CDH13: variants seen among roughly 807,000 people sequenced by gnomAD.
The protein encoded by CDH13 is cadherin 13, also known as cadherin-13.
Under a neutral mutation model 63.8 loss-of-function variants are expected in CDH13, and 24 were observed. The ratio of observed to expected loss-of-function variants is 0.38; its 90% CI spans 0.27 to 0.53. The LOEUF (loss-of-function observed/expected upper bound fraction) is 0.53, where lower values mean the gene tolerates loss of function less well. Among genes scored for constraint, CDH13 ranks in the 20% least tolerant of loss-of-function variants. The pLI is 0.85. For missense variants in CDH13, 1,049 were observed against 903.1 expected (o/e 1.16, Z -2.07); for synonymous variants, 503 against 355.3 (o/e 1.42, Z -4.67).
intron 1 of CDH13, among the ~76,000 whole-genome samples, chr16:82,796,555 A>C (rs1362490298): frequency 6.6e-6 from 1 of 152,148 alleles, no homozygotes; most frequent in African/African-American, 2.4e-5. Context: ...TCTTCCCAGG[A>C]GGTGTCTTTT....
intron 5 of CDH13, among the ~76,000 whole-genome samples, chr16:83,335,456 T>C (rs940231863): frequency 2.6e-5 from 4 of 152,176 alleles, no homozygotes; most frequent in Non-Finnish European, 1.5e-5. Flanking sequence ...GAGATGGCAG[T>C]GTTAAGACTT....
rs1169316602 is a variant in CDH13 at position 83,298,285 on chromosome 16, AAAAG to A, written c.637-46573_637-46570del. ...TGAGATGAGACGAGATGAGAAAAGA[AAAAG>A]AAAAGGGAAGAAGTGAGGGAGGGAA... On this transcript the variant is annotated intron_variant, in intron 5 of 13. Transcript: ENST00000567109. Among the ~76,000 whole-genome samples the A allele has an allele frequency of 6.6e-5, 10 of 152,228 alleles. 1 individual carries two copies. The East Asian group carries it at 1.9e-3, about 29-fold the overall frequency.
intron 5 of CDH13, among the ~76,000 whole-genome samples, chr16:83,306,045 C>T (rs1030223907): frequency 2.0e-5 from 3 of 152,162 alleles, no homozygotes; most frequent in Non-Finnish European, 4.4e-5. Context: ...CATCCCTTTA[C>T]TGCACCCCCT....
intron 2 of CDH13, among the ~76,000 whole-genome samples, chr16:82,961,624 C>G (rs1231450575): frequency 1.4e-5 from 2 of 146,508 alleles, no homozygotes; most frequent in East Asian, 2.0e-4. Context: ...TTACCCCAGA[C>G]TAACTAAATT....
At chr16:82,745,515 A>G (rs8050851) in intron 1 of CDH13, among the ~76,000 whole-genome samples, 2,325 of 152,218 alleles carry the variant, frequency 0.015, 60 homozygotes, top group African/African-American at 0.054. Context: ...GAGGCAGGAG[A>G]ATCACTTGAA....
At chr16:82,721,342 A>G (rs748765248) in intron 1 of CDH13, among the ~76,000 whole-genome samples, 5 of 152,196 alleles carry the variant, frequency 3.3e-5, no homozygotes, top group Non-Finnish European at 4.4e-5. Flanking sequence ...AGGAACATCA[A>G]TTCTGCCTTG....
At chr16:82,926,430 A>G (rs573661645) in intron 2 of CDH13, among the ~76,000 whole-genome samples, 15 of 152,228 alleles carry the variant, frequency 9.9e-5, no homozygotes, top group Admixed American at 8.5e-4. Flanking sequence ...ACTGATTTGC[A>G]TTATAAACCT....
At chr16:83,169,216 C>A (rs931925588) in intron 4 of CDH13, among the ~76,000 whole-genome samples, 1 of 149,896 alleles carries the variant, frequency 6.7e-6, no homozygotes, top group African/African-American at 2.5e-5. Flanking sequence ...CTCACTTTGT[C>A]GCCAGGCTGG....
intron 7 of CDH13, among the ~76,000 whole-genome samples, chr16:83,497,545 A>T (rs1241503815): frequency 6.6e-6 from 1 of 151,278 alleles, no homozygotes; most frequent in Non-Finnish European, 1.5e-5. Flanking sequence ...TAGCATTGGG[A>T]GAAATACATA....
At chr16:83,680,114 C>T (rs931686277) in intron 10 of CDH13, among the ~76,000 whole-genome samples, 5 of 152,188 alleles carry the variant, frequency 3.3e-5, no homozygotes, top group Admixed American at 2.6e-4. Context: ...AGAACCCGCT[C>T]GAGATAGCAC....
intron 1 of CDH13, among the ~76,000 whole-genome samples, chr16:82,856,385 A>AAAAAG (rs67180729): frequency 0.12 from 11,766 of 95,144 alleles, 1,712 homozygotes; most frequent in East Asian, 0.75. Context: ...AAAAAAAAAA[A>AAAAAG]AAAAGAAAAG....
At chr16:82,638,396 T>C (rs572172325) in intron 1 of CDH13, among the ~76,000 whole-genome samples, 1 of 152,326 alleles carries the variant, frequency 6.6e-6, no homozygotes, top group Admixed American at 6.5e-5. Flanking sequence ...TTCATTTCCC[T>C]CCTTTTCTGT....
intron 2 of CDH13, among the ~76,000 whole-genome samples, chr16:83,014,877 TA>T (rs1448028040): frequency 7.1e-6 from 1 of 140,270 alleles, no homozygotes; most frequent in African/African-American, 2.6e-5. Context: ...TGTATATATA[TA>T]TGTTTGTGTA....
chr16:83,058,170 C>T (rs73596276), intron 3 of CDH13, among the ~76,000 whole-genome samples: 2,341 of 152,160 alleles, frequency 0.015, 43 homozygotes, highest in African/African-American at 0.053. Context: ...CGTCTTTTAT[C>T]GGGCTTGGGG....
intron 2 of CDH13, among the ~76,000 whole-genome samples, chr16:82,947,450 A>C (rs536382210): frequency 1.3e-5 from 2 of 152,328 alleles, no homozygotes; most frequent in Admixed American, 6.5e-5. Flanking sequence ...ATCAGATATT[A>C]TCCATACTTC....
intron 2 of CDH13, among the ~76,000 whole-genome samples, chr16:82,895,905 C>G (rs117555570): frequency 2.6e-5 from 4 of 152,248 alleles, no homozygotes; most frequent in Non-Finnish European, 5.9e-5. Flanking sequence ...TCAGCCTCCC[C>G]TCTGCTCTTT....
At chr16:83,575,965 A>G (rs1042190113) in intron 7 of CDH13, among the ~76,000 whole-genome samples, 2 of 152,254 alleles carry the variant, frequency 1.3e-5, no homozygotes, top group African/African-American at 4.8e-5. Context: ...ACCACGTTAA[A>G]GTGAACAATT....
intron 1 of CDH13, among the ~76,000 whole-genome samples, chr16:82,708,599 G>A (rs2031674834): frequency 6.6e-6 from 1 of 152,056 alleles, no homozygotes; most frequent in East Asian, 1.9e-4. Context: ...AAGCCAACTG[G>A]TATCTTCTTA....
chr16:82,804,324 C>A (rs2037037910), intron 1 of CDH13, among the ~76,000 whole-genome samples: 1 of 150,598 alleles, frequency 6.6e-6, no homozygotes, highest in South Asian at 2.1e-4. Context: ...CACACACATA[C>A]AAATACAAAG....
Sources: allele counts gnomAD v4.1 joint callset (sites outside exome capture counted in the v4.1 genomes callset), GRCh38; gene constraint gnomAD v4.1.1; transcripts MANE v1.5; gene names NCBI Gene and HGNC (gene_info 2026-07-23, HGNC 2026-07-21).